Variants in ARK2C observed in about 807,000 individuals in gnomAD.
ARK2C encodes E3 ubiquitin-protein ligase ARK2C.
At chr18:46,432,239 A>G in the ARK2C span, among the ~76,000 whole-genome samples, 1 of 152,204 alleles carries the variant, frequency 6.6e-6, no homozygotes, top group Admixed American at 6.5e-5. Flanking sequence ...ATCAAGCTCA[A>G]TTTTATTTAG....
At chr18:46,334,090 G>T in the ARK2C span, 1 of 160,002 alleles carries the variant, frequency 6.2e-6, no homozygotes, top group South Asian at 1.7e-4. This position sits in a 1 kb window ranked among gnomAD's most constrained non-coding sequence, Gnocchi z 4.4. Flanking sequence ...GGGCCGGGAA[G>T]GGAGCCTTTC....
At chr18:46,366,820 G>T in the ARK2C span, among the ~76,000 whole-genome samples, 1 of 152,156 alleles carries the variant, frequency 6.6e-6, no homozygotes, top group East Asian at 1.9e-4. Flanking sequence ...TGGACTACCT[G>T]CCATAAGTCA....
chr18:46,339,138 C>T, the ARK2C span, among the ~76,000 whole-genome samples: 1 of 152,218 alleles, frequency 6.6e-6, no homozygotes, highest in African/African-American at 2.4e-5. Context: ...GGCTAGTCCT[C>T]TGAAGATTTT....
the ARK2C span, among the ~76,000 whole-genome samples, chr18:46,390,824 A>G: frequency 6.6e-6 from 1 of 152,118 alleles, no homozygotes; most frequent in Non-Finnish European, 1.5e-5. Flanking sequence ...TCTTGTCTGT[A>G]AAATGGGGAT....
At chr18:46,342,026 G>A in the ARK2C span, among the ~76,000 whole-genome samples, 3 of 152,102 alleles carry the variant, frequency 2.0e-5, no homozygotes, top group Admixed American at 1.3e-4. Flanking sequence ...CAAGGACAGG[G>A]GCTCTGATCT....
At chr18:46,437,735 C>T in the ARK2C span, among the ~76,000 whole-genome samples, 5 of 152,294 alleles carry the variant, frequency 3.3e-5, no homozygotes, top group African/African-American at 9.6e-5. Context: ...GACCTTAAGC[C>T]GCAACCCAGG....
At chr18:46,354,824 A>G in the ARK2C span, among the ~76,000 whole-genome samples, 1 of 152,202 alleles carries the variant, frequency 6.6e-6, no homozygotes, top group African/African-American at 2.4e-5. Context: ...TGTGCTCCAT[A>G]CACAAAGCTT....
the ARK2C span, among the ~76,000 whole-genome samples, chr18:46,446,670 C>CAAAAAAAAA: frequency 2.9e-5 from 1 of 34,380 alleles, no homozygotes; most frequent in African/African-American, 1.2e-4. Context: ...GACTCCATCT[C>CAAAAAAAAA]AAAAAAAAAA....
At chr18:46,432,789 C>CA in the ARK2C span, among the ~76,000 whole-genome samples, 9 of 152,050 alleles carry the variant, frequency 5.9e-5, no homozygotes, top group Non-Finnish European at 1.2e-4. Context: ...ACTAAAAATA[C>CA]AAAAAATTAG....
chr18:46,408,063 AT>A, the ARK2C span, among the ~76,000 whole-genome samples: 1 of 152,124 alleles, frequency 6.6e-6, no homozygotes, highest in African/African-American at 2.4e-5. Flanking sequence ...CAAGGGAGAT[AT>A]TTGGAAGTGG....
At chr18:46,397,568 GTGTGTGTGGTC>G in the ARK2C span, among the ~76,000 whole-genome samples, 10 of 118,578 alleles carry the variant, frequency 8.4e-5, no homozygotes, top group African/African-American at 3.5e-4. Context: ...GGGTGTGTGT[GTGTGTGTGGTC>G]ATGCTGGGGT....
At chr18:46,451,296 T>C in the ARK2C span, among the ~76,000 whole-genome samples, 1 of 152,168 alleles carries the variant, frequency 6.6e-6, no homozygotes, top group Non-Finnish European at 1.5e-5. Flanking sequence ...GTCACAGGTT[T>C]TATCCTAAGT....
At chr18:46,443,974 T>C in the ARK2C span, among the ~76,000 whole-genome samples, 1 of 152,170 alleles carries the variant, frequency 6.6e-6, no homozygotes, top group Admixed American at 6.5e-5. Flanking sequence ...GAAAAAGTCT[T>C]TATTTCACTG....
the ARK2C span, among the ~76,000 whole-genome samples, chr18:46,349,202 G>A: frequency 1.3e-5 from 2 of 152,140 alleles, no homozygotes; most frequent in Admixed American, 6.5e-5. Flanking sequence ...GTAACAAAAT[G>A]CCATAGACTG....
the ARK2C span, chr18:46,433,222 G>C: frequency 6.2e-7 from 1 of 1,601,852 alleles, no homozygotes; most frequent in Admixed American, 1.7e-5. Flanking sequence ...GCATCCTCAC[G>C]CTACCTCCTG....
At chr18:46,444,577 A>C in the ARK2C span, among the ~76,000 whole-genome samples, 1 of 151,904 alleles carries the variant, frequency 6.6e-6, no homozygotes, top group African/African-American at 2.4e-5. Context: ...TGATCCTTCA[A>C]CCTCAGCCTC....
the ARK2C span, among the ~76,000 whole-genome samples, chr18:46,406,574 C>A: frequency 2.0e-5 from 3 of 152,230 alleles, no homozygotes; most frequent in African/African-American, 4.8e-5. Context: ...GAGGTCCTGG[C>A]TTGCCCAGGG....
the ARK2C span, among the ~76,000 whole-genome samples, chr18:46,364,924 G>A: frequency 6.6e-6 from 1 of 152,142 alleles, no homozygotes; most frequent in Non-Finnish European, 1.5e-5. Flanking sequence ...CCTGACCCAG[G>A]TCTCAGGAGA....
the ARK2C span, among the ~76,000 whole-genome samples, chr18:46,340,688 C>G: frequency 2.0e-5 from 3 of 152,224 alleles, no homozygotes; most frequent in East Asian, 5.8e-4. Flanking sequence ...TTTGAGCATC[C>G]TCTGAACAAT....
Sources: gnomAD v4.1 joint callset for allele counts (sites outside exome capture counted in the v4.1 genomes callset) on GRCh38, gnomAD v4.1.1 for gene constraint, Gnocchi (gnomAD v3.1) non-coding constraint, MANE v1.5 for transcripts, NCBI Gene and HGNC (gene_info 2026-07-23, HGNC 2026-07-21) for gene names.